The following TAFA1 variants were observed in gnomAD, a reference collection of about 807,000 sequenced individuals.
The protein encoded by TAFA1 is chemokine-like protein TAFA-1.
In TAFA1, 4 loss-of-function variants were observed where a neutral mutation model predicts 18.5. The observed-to-expected ratio is 0.22, with a 90% CI of 0.11 to 0.49. The LOEUF is 0.49. TAFA1 is among the 20% of genes least tolerant of loss of function. The pLI is 0.98. For synonymous variants in TAFA1, 56 were observed against 55.2 expected, an observed-to-expected ratio of 1.01 and a Z score of -0.06; for missense variants, 147 against 169.0, an observed-to-expected ratio of 0.87 and a Z score of 0.72.
At chr3:68,478,066 G>T (rs2072138866) in intron 3 of TAFA1, among the ~76,000 whole-genome samples, 1 of 152,180 alleles carries the variant, frequency 6.6e-6, no homozygotes, top group Non-Finnish European at 1.5e-5. Flanking sequence ...GAGCAAAAAG[G>T]ACTATCAGAG....
chr3:68,392,595 G>A (rs2070285223), intron 2 of TAFA1, among the ~76,000 whole-genome samples: 1 of 151,974 alleles, frequency 6.6e-6, no homozygotes, highest in South Asian at 2.1e-4. Flanking sequence ...TTCTAAAACT[G>A]GCCACATACT....
chr3:68,529,921 G>A (rs1163899389), intron 3 of TAFA1, among the ~76,000 whole-genome samples: 2 of 152,124 alleles, frequency 1.3e-5, no homozygotes, highest in African/African-American at 2.4e-5. Context: ...CCAAACTACA[G>A]CAGGTTTTCT....
intron 3 of TAFA1, among the ~76,000 whole-genome samples, chr3:68,462,202 A>C (rs1028988157): frequency 3.9e-5 from 6 of 152,132 alleles, no homozygotes; most frequent in Non-Finnish European, 7.4e-5. Context: ...AAAAGAAATA[A>C]AATTTGGCAA....
In TAFA1 at chr3:68,120,225, CTTTCTTTCTTTCT is replaced by C. The variant is rs1575627477; in HGVS notation, c.118+113484_118+113496del. On this transcript the variant is annotated intron_variant, in intron 2 of 4. Transcript: ENST00000478136. ...TCTTTCTTTCTTTCTTTCTTTCTTT[CTTTCTTTCTTTCT>C]TTCTTTCTTTCTTTCTTTCTTTCTT... Among the ~76,000 whole-genome samples, 5 of 125,180 alleles carry C rather than the reference CTTTCTTTCTTTCT, an allele frequency of 4.0e-5. No homozygotes were observed. In the East Asian group the frequency reaches 6.7e-4, roughly 17 times the overall value. The allele number at this position is 125,180 out of a possible 152,430, so 82.1% of individuals were successfully genotyped here. A position where few individuals can be genotyped will look rare whatever the true frequency, so the allele number is the denominator to read the frequency against.
At chr3:68,487,234 G>A (rs947970350) in intron 3 of TAFA1, among the ~76,000 whole-genome samples, 14 of 152,162 alleles carry the variant, frequency 9.2e-5, no homozygotes, top group Admixed American at 7.2e-4. Flanking sequence ...AGCAAAATTC[G>A]GATGGTTCTA....
In TAFA1 at chr3:68,441,802, G is replaced by C. The variant is rs148661513; in HGVS notation, c.259+24382G>C. ...GAAGACTAGGGCCTGGTTCACAGATGGTTCTGCATGATATGCAGGCACCAT... is the reference window on the plus strand; with the variant it reads ...GAAGACTAGGGCCTGGTTCACAGATCGTTCTGCATGATATGCAGGCACCAT... On this transcript the variant is annotated intron_variant, in intron 3 of 4. Coordinates refer to ENST00000478136, the MANE Select transcript of TAFA1 (RefSeq NM_213609.4). Among the ~76,000 whole-genome samples the C allele has an allele frequency of 2.7e-3, 416 of 152,264 alleles. 1 individual carries two copies. The highest frequency in any genetic ancestry group is 7.9e-3 in the South Asian group (38 of 4,826).
At chr3:68,308,856 T>C (rs1335820304) in intron 2 of TAFA1, among the ~76,000 whole-genome samples, 4 of 152,094 alleles carry the variant, frequency 2.6e-5, no homozygotes, top group African/African-American at 9.7e-5. Flanking sequence ...AAAGCTTTGG[T>C]TTCACTGGAA....
At chr3:68,140,511 C>A (rs1347630807) in intron 2 of TAFA1, among the ~76,000 whole-genome samples, 1 of 152,196 alleles carries the variant, frequency 6.6e-6, no homozygotes, top group Admixed American at 6.6e-5. Flanking sequence ...GTATTACCAA[C>A]TCTTCTCCCA....
intron 2 of TAFA1, among the ~76,000 whole-genome samples, chr3:68,128,239 C>T (rs1449344449): frequency 6.6e-6 from 1 of 152,156 alleles, no homozygotes; most frequent in African/African-American, 2.4e-5. Flanking sequence ...ACTAATCTAA[C>T]ATCTTGCATC....
chr3:68,522,650 A>G (rs1019116046), intron 3 of TAFA1, among the ~76,000 whole-genome samples: 2 of 152,198 alleles, frequency 1.3e-5, no homozygotes, highest in Non-Finnish European at 2.9e-5. Context: ...GGAGTTCGAG[A>G]CCAGCCTGGC....
intron 3 of TAFA1, among the ~76,000 whole-genome samples, chr3:68,487,285 T>C (rs551840343): frequency 1.8e-4 from 27 of 152,334 alleles, no homozygotes; most frequent in African/African-American, 6.0e-4. Flanking sequence ...TATAACACAC[T>C]GTAAATTTCT....
rs1260101068 is a variant in TAFA1, at chr3:68,545,083, C to T, written c.*580C>T. The T allele has an allele frequency of 6.6e-6, 1 of 152,590 alleles. No homozygotes were observed. The highest frequency in any genetic ancestry group is 6.6e-5 in the Admixed American group (1 of 15,248). 9.5% of individuals were successfully genotyped at this position (152,590 alleles called of 1,614,324 possible). A position where few individuals can be genotyped will look rare whatever the true frequency, so the allele number is the denominator to read the frequency against. ...CTGAATCAAGAACTTCCTTCTGCTT[C>T]TACCAGATGGCCCAAGGAAGCACAT... On this transcript the variant is annotated 3_prime_UTR_variant, in exon 5 of 5. Transcript: ENST00000478136.
chr3:68,108,438 GTGT>G (rs2065228005), intron 2 of TAFA1, among the ~76,000 whole-genome samples: 1 of 27,294 alleles, frequency 3.7e-5, no homozygotes, highest in Non-Finnish European at 8.2e-5. Context: ...ATTTGAAGGT[GTGT>G]GTGTGTGTGT....
chr3:68,274,951 C>T (rs560861010), intron 2 of TAFA1, among the ~76,000 whole-genome samples: 1 of 152,082 alleles, frequency 6.6e-6, no homozygotes, highest in Admixed American at 6.6e-5. Context: ...ATACAATTTG[C>T]AAAACAGAAG....
At chr3:68,145,265 G>A (rs2065724430) in intron 2 of TAFA1, 1 of 788,708 alleles carries the variant, frequency 1.3e-6, no homozygotes, top group Non-Finnish European at 2.3e-6. Flanking sequence ...AGATTTCCCT[G>A]GGATCTATAC....
At chr3:68,264,531 A>G (rs916245482) in intron 2 of TAFA1, among the ~76,000 whole-genome samples, 1 of 152,176 alleles carries the variant, frequency 6.6e-6, no homozygotes, top group Non-Finnish European at 1.5e-5. Context: ...ATGACAGAGG[A>G]TGGGTAGGTA....
At chr3:68,113,243 G>C in intron 2 of TAFA1, among the ~76,000 whole-genome samples, 1 of 152,190 alleles carries the variant, frequency 6.6e-6, no homozygotes, top group Non-Finnish European at 1.5e-5. Flanking sequence ...GAACAGAATG[G>C]ATTTCTGCAA....
chr3:68,331,864 T>C (rs1327663513), intron 2 of TAFA1, among the ~76,000 whole-genome samples: 12 of 130,710 alleles, frequency 9.2e-5, no homozygotes, highest in Admixed American at 7.1e-4. Context: ...TTCTTTTTTT[T>C]TTTTTTTTTT....
At chr3:68,317,015 C>T (rs866987182) in intron 2 of TAFA1, among the ~76,000 whole-genome samples, 5 of 151,842 alleles carry the variant, frequency 3.3e-5, no homozygotes, top group African/African-American at 4.8e-5. Flanking sequence ...GACTCAGAAG[C>T]AACTTAATAT....
Sources: gnomAD v4.1 joint callset for allele counts (sites outside exome capture counted in the v4.1 genomes callset) on GRCh38, gnomAD v4.1.1 for gene constraint, MANE v1.5 for transcripts, NCBI Gene and HGNC (gene_info 2026-07-23, HGNC 2026-07-21) for gene names.